Variants in PIGT observed in about 807,000 individuals in gnomAD.
The protein encoded by PIGT is phosphatidylinositol glycan anchor biosynthesis class T.
PIGT carries 57 observed loss-of-function variants against 66.7 expected under a neutral mutation model. The ratio of observed to expected loss-of-function variants is 0.86; its 90% CI spans 0.69 to 1.07. PIGT has a LOEUF of 1.07. Among genes scored for constraint, PIGT ranks in the 50% least tolerant of loss-of-function variants. The pLI is 0.00. For missense variants in PIGT, 725 were observed against 740.4 expected, an observed-to-expected ratio of 0.98 and a Z score of 0.24; for synonymous variants, 362 against 320.5, an observed-to-expected ratio of 1.13 and a Z score of -1.38.
In PIGT at chr20:45,416,565, A is replaced by G. The variant is rs755055454; in HGVS notation, c.236A>G (p.Lys79Arg). 6 of 1,614,182 alleles carry G rather than the reference A, an allele frequency of 3.7e-6. No individual in the cohort carries two copies. The highest frequency in any genetic ancestry group is 5.1e-6 in the Non-Finnish European group (6 of 1,180,022). The change falls in exon 2 of 12, where the codon AAG becomes AGG. Residue 79 changes from lysine (K) to arginine (R), a missense_variant. Lys to Arg is a conservative substitution (Grantham distance 26, BLOSUM62 2). Coordinates refer to ENST00000279036, the MANE Select transcript of PIGT (RefSeq NM_015937.6). ...AAAGCCCTGGGGCAGCTGATCTCCA[A>G]GTATTCTCTACGGGAGCTGCACCTG... ...FPKALGQLIS[K>R]YSLRELHLSF...
intron 8 of PIGT, 112 bp from the exon 9 acceptor site, chr20:45,421,271 G>GGGAA (rs1195931342): frequency 1.2e-5 from 9 of 755,322 alleles, no homozygotes; most frequent in Non-Finnish European, 1.8e-5. Context: ...CAGTGGCAGG[G>GGGAA]CTGTTCCCCA....
chr20:45,421,118 G>C (rs1600813857), intron 8 of PIGT: 1 of 550,274 alleles, frequency 1.8e-6, no homozygotes, highest in African/African-American at 1.9e-5. Flanking sequence ...GGAAAGAGCA[G>C]AATATCCTGA....
At chr20:45,423,044 A>G (rs1375620247) in intron 9 of PIGT, 1 of 142,514 alleles carries the variant, frequency 7.0e-6, no homozygotes, top group Non-Finnish European at 1.5e-5. Flanking sequence ...CCCCCTACCT[A>G]TACAAAAAAA....
Position 45,416,184 on chromosome 20 carries a change from C to T in PIGT, c.28C>T (p.Leu10Phe), listed in dbSNP as rs1989952090. 1 of 1,584,088 alleles carries T rather than the reference C, an allele frequency of 6.3e-7. No individual in the cohort carries two copies. The highest frequency in any genetic ancestry group is 8.6e-7 in the Non-Finnish European group (1 of 1,166,576). MAAAMPLAL[L>F]VLLLLGPGGW... ...GGCGGCGGCTATGCCGCTTGCTCTG[C>T]TCGTCCTGTTGCTCCTGGGGCCCGG... Residue 10 changes from leucine (L) to phenylalanine (F), a missense_variant, in exon 1 of 12, where the codon CTC becomes TTC. By Grantham distance (22) the Leu-to-Phe change is conservative. Around this residue, in one of 3 missense-constraint regions of PIGT, gnomAD observed 559 missense variants for 552.7 expected, o/e 1.01. Coordinates refer to ENST00000279036, the MANE Select transcript of PIGT (RefSeq NM_015937.6).
rs1369913085 is a variant in PIGT at position 45,426,167 on chromosome 20, G to T, written c.*341G>T. On this transcript the variant is annotated 3_prime_UTR_variant, in exon 12 of 12. Coordinates refer to ENST00000279036, the MANE Select transcript of PIGT (RefSeq NM_015937.6). ...TGGCAGCACTGGCCAAGGTGATGGGGTGTGCTACACAGTGTATGTCACTGT... is the reference window on the plus strand; with the variant it reads ...TGGCAGCACTGGCCAAGGTGATGGGTTGTGCTACACAGTGTATGTCACTGT... 7.9e-6 allele frequency: 3 copies of T among 379,656 alleles called. No homozygotes were observed. The highest frequency in any genetic ancestry group is 1.5e-5 in the Non-Finnish European group (3 of 204,674). The allele number at this position is 379,656 out of a possible 1,614,324, so 23.5% of individuals were successfully genotyped here.
chr20:45,419,706 C>T (rs1019989975), intron 5 of PIGT, 116 bp downstream of exon 5: 8 of 777,514 alleles, frequency 1.0e-5, no homozygotes, highest in South Asian at 4.5e-5. Context: ...GATGTGATGA[C>T]GGTTATTCAG....
At chr20:45,419,478 C>T (rs1468070659) in intron 4 of PIGT, 26 bp from the exon 5 acceptor site, 1 of 1,613,898 alleles carries the variant, frequency 6.2e-7, no homozygotes, top group Non-Finnish European at 8.5e-7. Flanking sequence ...TACAGGGCTT[C>T]TCTTATCTCT....
chr20:45,422,961 C>T (rs1283305156), intron 9 of PIGT: 2 of 151,520 alleles, frequency 1.3e-5, no homozygotes, highest in Admixed American at 1.3e-4. Context: ...AATCTCAGCA[C>T]TTTGGGAGGC....
chr20:45,419,502 A>T lies in PIGT; in HGVS notation c.595-2A>T. ...TCTCTTATCTCTTTCCATCTCCTCCAGGCAGGCCTCTCTGTGCTGCTGAAG... is the reference window on the plus strand; with the variant it reads ...TCTCTTATCTCTTTCCATCTCCTCCTGGCAGGCCTCTCTGTGCTGCTGAAG... On this transcript the variant is annotated splice_acceptor_variant, in intron 4 of 11. Coordinates refer to ENST00000279036, the MANE Select transcript of PIGT (RefSeq NM_015937.6). LOFTEE classifies it high-confidence loss of function. 2.5e-6 allele frequency: 4 copies of T among 1,614,150 alleles called. No individual in the cohort carries two copies. The highest frequency in any genetic ancestry group is 2.5e-6 in the Non-Finnish European group (3 of 1,179,992).
intron 5 of PIGT, 81 bp downstream of exon 5, chr20:45,419,671 C>T (rs111759187): frequency 1.0e-6 from 1 of 997,228 alleles, no homozygotes; most frequent in Non-Finnish European, 1.6e-6. Context: ...GTGTCTGGCT[C>T]AGGCTGAGTG....
At chr20:45,423,079 T>TTC (rs1990477462) in intron 9 of PIGT, 1 of 143,754 alleles carries the variant, frequency 7.0e-6, no homozygotes, top group Non-Finnish European at 1.5e-5. Flanking sequence ...TTTTTTTTTT[T>TTC]TTTGAGACGG....
chr20:45,424,154 G>C (rs1990562038), intron 9 of PIGT, 62 bp from the exon 10 acceptor site: 17 of 1,503,432 alleles, frequency 1.1e-5, no homozygotes, highest in East Asian at 2.3e-5. Context: ...AAGCAGCAGG[G>C]ACAGGGGCAG....
At position 45,425,789 on chromosome 20, in the gene PIGT, A is replaced by G. The variant is rs746211260; in HGVS notation, c.1700A>G (p.Asn567Ser). 50 of 1,613,852 alleles carry G rather than the reference A, an allele frequency of 3.1e-5. No homozygotes were observed. The East Asian group carries it at 8.5e-4, about 27-fold the overall frequency. The change falls in exon 12 of 12, where the codon AAC becomes AGC. Residue 567 changes from asparagine to serine, a missense_variant. Coordinates refer to ENST00000279036, the MANE Select transcript of PIGT (RefSeq NM_015937.6). The stretch of plus-strand genomic sequence containing the variant: ...GGTGGCCTGGCCAAGCGGCTGGCCA[A>G]CCTTATCCGGCGCGCCCGAGGTGTC... ...RTGGLAKRLA[N>S]LIRRARGVPP...
At chr20:45,420,050 G>C in intron 5 of PIGT, 86 bp from the exon 6 acceptor site, 1 of 910,020 alleles carries the variant, frequency 1.1e-6, no homozygotes, top group South Asian at 1.4e-5. Context: ...ACATAGATGA[G>C]GGATTGAGTC....
Position 45,419,424 on chromosome 20 carries a change from G to GT in PIGT, c.594+29_594+30insT, listed in dbSNP as rs561526151. 2.4e-4 allele frequency: 362 copies of GT among 1,519,006 alleles called. 1 individual carries two copies. In the African/African-American group the frequency reaches 4.6e-3, roughly 19 times the overall value. 94.1% of individuals were successfully genotyped at this position (1,519,006 alleles called of 1,614,324 possible). A position where few individuals can be genotyped will look rare whatever the true frequency, so the allele number is the denominator to read the frequency against. ...AGGCCGCAGAGCCTGGCAGCCGGGG[G>GT]CGGGGGGTGTATAGAGAACCTGCGC... is the stretch of plus-strand genomic sequence containing the variant. On this transcript the variant is annotated intron_variant, in intron 4 of 11. Coordinates refer to ENST00000279036, the MANE Select transcript of PIGT (RefSeq NM_015937.6).
chr20:45,425,443 T>C lies in PIGT; in HGVS notation c.1485-131T>C, dbSNP rs893081499. Reference sequence around the variant, plus strand: ...GGTTTAGAGATTGAGCTATGCCTTCTGTTGAAAGGTTTTGAGCCTAAGAGA... The same window carrying C: ...GGTTTAGAGATTGAGCTATGCCTTCCGTTGAAAGGTTTTGAGCCTAAGAGA... On this transcript the variant is annotated intron_variant, in intron 11 of 11. Transcript: ENST00000279036. 2.1e-5 allele frequency: 18 copies of C among 869,990 alleles called. No homozygotes were observed. In the African/African-American group the frequency reaches 2.6e-4, roughly 13 times the overall value. The allele number at this position is 869,990 out of a possible 1,614,324, so 53.9% of individuals were successfully genotyped here. A position where few individuals can be genotyped will look rare whatever the true frequency, so the allele number is the denominator to read the frequency against.
chr20:45,419,431 G>T (rs991584570), intron 4 of PIGT, 36 bp downstream of exon 4: 4 of 1,606,248 alleles, frequency 2.5e-6, no homozygotes, highest in African/African-American at 2.7e-5. Context: ...GGGGCGGGGG[G>T]TGTATAGAGA....
rs1990724394 is a variant in PIGT, at chr20:45,426,034, A to T, written c.*208A>T. The T allele has an allele frequency of 1.6e-6, 1 of 619,256 alleles. No homozygotes were observed. The highest frequency in any genetic ancestry group is 1.8e-5 in the African/African-American group (1 of 54,236). The allele number at this position is 619,256 out of a possible 1,614,324, so 38.4% of individuals were successfully genotyped here. ...AATTAACTTAGAAATTCATTTCCTC[A>T]CCTGTAGTGGCCACCTCTATATTGA... On this transcript the variant is annotated 3_prime_UTR_variant, in exon 12 of 12. Coordinates refer to ENST00000279036, the MANE Select transcript of PIGT (RefSeq NM_015937.6).
chr20:45,424,594 A>G lies in PIGT; in HGVS notation c.1484+15A>G. 6.2e-7 allele frequency: 1 copy of G among 1,605,258 alleles called. No individual in the cohort carries two copies. Among genetic ancestry groups the G allele is most frequent in the Non-Finnish European group, 8.5e-7 (1 of 1,171,942 alleles). On this transcript the variant is annotated intron_variant, in intron 11 of 11. Coordinates refer to ENST00000279036, the MANE Select transcript of PIGT (RefSeq NM_015937.6). ...TTCAACAGCCTGTAAGTGTGACCAC[A>G]CTCACTGATAACACATCCTCAGCTG...
Sources: gnomAD v4.1 joint callset for allele counts on GRCh38, gnomAD v4.1.1 for gene constraint, gnomAD v4.1.1 regional missense constraint, MANE v1.5 for transcripts, NCBI Gene and HGNC (gene_info 2026-07-23, HGNC 2026-07-21) for gene names.